Variants in ZNF680 observed in about 807,000 individuals in gnomAD.
ZNF680 encodes the protein zinc finger protein 680.
Under a neutral mutation model 12.1 loss-of-function variants are expected in ZNF680, and 6 were observed. That is an observed-to-expected ratio of 0.49 (90% CI 0.27 to 0.98). ZNF680 has a LOEUF of 0.98. ZNF680 is among the 50% of genes least tolerant of loss of function. ZNF680 has a pLI of 0.12. For missense variants in ZNF680, 561 were observed against 616.3 expected (o/e 0.91, Z 0.95); for synonymous variants, 170 against 199.3 (o/e 0.85, Z 1.24).
intron 1 of ZNF680, among the ~76,000 whole-genome samples, chr7:64,562,605 C>G (rs1052607307): frequency 2.0e-5 from 3 of 152,210 alleles, no homozygotes; most frequent in African/African-American, 2.4e-5. Context: ...ACCCCATGGA[C>G]CAAAGCGCTT....
chr7:64,514,887 T>C (rs1379602045), downstream of ZNF680, among the ~76,000 whole-genome samples: 4 of 152,046 alleles, frequency 2.6e-5, no homozygotes, highest in Admixed American at 2.0e-4. Context: ...CTACTAAAAA[T>C]ACAAAATTAG....
chr7:64,523,288 G>A (rs1408026238), intron 3 of ZNF680, among the ~76,000 whole-genome samples: 1 of 152,004 alleles, frequency 6.6e-6, no homozygotes, highest in Non-Finnish European at 1.5e-5. Context: ...ACTTTTATAT[G>A]CAAGGGAAGT....
chr7:64,549,450 T>C (rs1436651968), intron 1 of ZNF680, among the ~76,000 whole-genome samples: 1 of 152,248 alleles, frequency 6.6e-6, no homozygotes, highest in Non-Finnish European at 1.5e-5. Flanking sequence ...GATGTCTATG[T>C]TGACATCTCA....
chr7:64,502,387 C>G, the ZNF680 span, among the ~76,000 whole-genome samples: 1 of 152,080 alleles, frequency 6.6e-6, no homozygotes, highest in Admixed American at 6.6e-5. Flanking sequence ...CATACAGTTT[C>G]AGTAGTCGCC....
chr7:64,521,523 AT>A lies in ZNF680; in HGVS notation c.1230del (p.Glu410AspfsTer45). ...HTGEKPYKCE[E>X]CGKAFNGCSS... ...GAGCACCCATTAAAAGCTTTGCCAC[AT>A]TCTTCACATTTGTAGGGTTTCTCTC... is the stretch of plus-strand genomic sequence containing the variant. On this transcript the variant is annotated frameshift_variant, in exon 4 of 4. Coordinates refer to ENST00000309683, the MANE Select transcript of ZNF680 (RefSeq NM_178558.5). LOFTEE classifies it low-confidence loss of function (END_TRUNC). 1 of 1,613,448 alleles carries A rather than the reference AT, an allele frequency of 6.2e-7. No homozygotes were observed.
At position 64,522,268 on chromosome 7, in the gene ZNF680, G is replaced by A. The variant is rs1482789595; in HGVS notation, c.486C>T (p.Val162=). Residue 162 remains valine (V), a synonymous_variant, in exon 4 of 4, where the codon GTC becomes GTT. Coordinates refer to ENST00000309683, the MANE Select transcript of ZNF680 (RefSeq NM_178558.5). ...TGTTTGAATTTGAAAATTTATGAAA[G>A]ACTTTCACGTATTTATCACATTGAA... is the stretch of plus-strand genomic sequence containing the variant. ...KIFQCDKYVK[V]FHKFSNSNSH... 1.9e-6 allele frequency: 3 copies of A among 1,612,788 alleles called. No homozygotes were observed. Among genetic ancestry groups the A allele is most frequent in the Middle Eastern group, 3.3e-4 (2 of 6,048 alleles).
At chr7:64,557,001 A>T (rs550773587) in intron 1 of ZNF680, among the ~76,000 whole-genome samples, 5 of 152,366 alleles carry the variant, frequency 3.3e-5, no homozygotes, top group Admixed American at 1.3e-4. Context: ...CTGTAATCCG[A>T]GCACTTTGGG....
downstream of ZNF680, among the ~76,000 whole-genome samples, chr7:64,517,137 A>G (rs1162518402): frequency 6.6e-6 from 1 of 152,122 alleles, no homozygotes; most frequent in Non-Finnish European, 1.5e-5. Flanking sequence ...AAGATTAAAA[A>G]GAAAAAAAGA....
At chr7:64,516,072 ATTTC>A (rs1324148297), downstream of ZNF680, among the ~76,000 whole-genome samples, 1 of 152,150 alleles carries the variant, frequency 6.6e-6, no homozygotes, top group Non-Finnish European at 1.5e-5. Context: ...AACTAAGCAC[ATTTC>A]TTTTTATTCC....
At chr7:64,530,131 C>G (rs1344967768) in intron 3 of ZNF680, among the ~76,000 whole-genome samples, 2 of 152,180 alleles carry the variant, frequency 1.3e-5, no homozygotes, top group East Asian at 1.9e-4. Context: ...CAAGCCACTA[C>G]TACAAGAACT....
chr7:64,522,225 T>C lies in ZNF680; in HGVS notation c.529A>G (p.Thr177Ala). 1 of 1,612,258 alleles carries C rather than the reference T, an allele frequency of 6.2e-7. No individual in the cohort carries two copies. Among genetic ancestry groups the C allele is most frequent in the Middle Eastern group, 1.7e-4 (1 of 5,944 alleles). The change falls in exon 4 of 4, where the codon ACT (threonine) becomes GCT (alanine). Residue 177 changes from threonine (T) to alanine (A), a missense_variant. Coordinates refer to ENST00000309683, the MANE Select transcript of ZNF680 (RefSeq NM_178558.5). The stretch of plus-strand genomic sequence containing the variant: ...TTACATTTGAAAACCTTCTTTCCAG[T>C]ATTTCTTTTCTTATGACTGTTTGAA... Reference protein sequence around the residue: ...SNSNSHKKRNTGKKVFKCKEC... With the variant: ...SNSNSHKKRNAGKKVFKCKEC...
intron 1 of ZNF680, among the ~76,000 whole-genome samples, chr7:64,550,703 C>T (rs575487397): frequency 6.6e-6 from 1 of 152,092 alleles, no homozygotes; most frequent in Admixed American, 6.6e-5. Flanking sequence ...TTTGGTCTAA[C>T]CTCTTTAAAA....
intron 1 of ZNF680, among the ~76,000 whole-genome samples, chr7:64,559,567 A>G (rs530053335): frequency 1.3e-5 from 2 of 151,206 alleles, no homozygotes; most frequent in East Asian, 3.9e-4. Flanking sequence ...TGCAACCTCT[A>G]CCTCCTGGGT....
At chr7:64,509,066 A>C in the ZNF680 span, among the ~76,000 whole-genome samples, 1 of 152,126 alleles carries the variant, frequency 6.6e-6, no homozygotes, top group African/African-American at 2.4e-5. Flanking sequence ...CCCTCCATGT[A>C]AAAGTTCAGC....
the ZNF680 span, among the ~76,000 whole-genome samples, chr7:64,512,992 T>G: frequency 6.6e-6 from 1 of 152,188 alleles, no homozygotes; most frequent in African/African-American, 2.4e-5. Flanking sequence ...GGCCAAATAT[T>G]AAATTTGCTA....
chr7:64,522,596 C>A (rs1791606569), intron 3 of ZNF680, 96 bp from the exon 4 acceptor site: 14 of 910,744 alleles, frequency 1.5e-5, no homozygotes, highest in South Asian at 1.5e-4. Flanking sequence ...ACTACATAAG[C>A]AAAATACAAA....
Position 64,521,991 on chromosome 7 carries a change from T to A in ZNF680, c.763A>T (p.Lys255Ter). Residue 255 changes from lysine to a stop codon, truncating the protein, a stop_gained, in exon 4 of 4, where the codon AAA becomes TAA. Transcript: ENST00000309683. LOFTEE classifies it low-confidence loss of function (END_TRUNC). ...TCTTCAATATGAATTTTCTTATGTT[T>A]AATAAGGGTTGAGGATTGGTTAAAG... ...KAFNQSSTLI[K>*]HKKIHIEEKP... 1 of 1,612,684 alleles carries A rather than the reference T, an allele frequency of 6.2e-7. No individual in the cohort carries two copies. Among genetic ancestry groups the A allele is most frequent in the Non-Finnish European group, 8.5e-7 (1 of 1,179,482 alleles).
intron 2 of ZNF680, 193 bp downstream of exon 2, chr7:64,544,113 A>G (rs1381629386): frequency 2.7e-6 from 2 of 750,944 alleles, no homozygotes; most frequent in African/African-American, 1.8e-5. Context: ...TCAGCTCAGG[A>G]ATGTGGAAAG....
the ZNF680 span, chr7:64,501,364 T>C: frequency 8.2e-7 from 1 of 1,224,654 alleles, no homozygotes; most frequent in African/African-American, 1.5e-5. Context: ...ACAGCAGGGA[T>C]CTTCCAAGTC....
Sources: allele counts gnomAD v4.1 joint callset (sites outside exome capture counted in the v4.1 genomes callset), GRCh38; gene constraint gnomAD v4.1.1; transcripts MANE v1.5; gene names NCBI Gene and HGNC (gene_info 2026-07-23, HGNC 2026-07-21).